Variants in AP1S2 observed in about 807,000 individuals in gnomAD.
AP1S2 encodes AP-1 complex subunit sigma-2.
AP1S2 carries 1 observed loss-of-function variant against 14.3 expected under a neutral mutation model. The ratio of observed to expected loss-of-function variants is 0.07; its 90% CI spans 0.02 to 0.33. The LOEUF (loss-of-function observed/expected upper bound fraction) is 0.33, where lower values mean the gene tolerates loss of function less well. AP1S2 is among the 10% of genes least tolerant of loss of function. The probability of loss-of-function intolerance (pLI) is 0.99; values close to 1 mark genes in which losing one functional copy is unlikely to be tolerated. For synonymous variants in AP1S2, 30 were observed against 40.5 expected, an observed-to-expected ratio of 0.74 and a Z score of 0.99; for missense variants, 30 against 117.7, an observed-to-expected ratio of 0.25 and a Z score of 3.45.
intron 4 of AP1S2, among the ~76,000 whole-genome samples, chrX:15,842,584 C>T (rs1346604333): frequency 8.9e-6 from 1 of 112,357 alleles, no homozygotes; most frequent in Non-Finnish European, 1.9e-5. Context: ...GAAACAGGAC[C>T]ACAGCTTTCT....
intron 2 of AP1S2, among the ~76,000 whole-genome samples, chrX:15,850,120 T>C (rs892207640): frequency 1.8e-5 from 2 of 111,554 alleles, no homozygotes; most frequent in African/African-American, 6.5e-5. Flanking sequence ...TTCATCTCCT[T>C]TGCCTGCCAC....
At chrX:15,832,938 T>C (rs1484459221) in intron 4 of AP1S2, 1 of 1,110,778 alleles carries the variant, frequency 9.0e-7, no homozygotes, top group African/African-American at 1.9e-5. Flanking sequence ...ATGTCAGTAC[T>C]CCAGCACGTA....
At chrX:15,843,200 A>C (rs1279569070) in intron 4 of AP1S2, among the ~76,000 whole-genome samples, 3 of 112,001 alleles carry the variant, frequency 2.7e-5, no homozygotes, top group Non-Finnish European at 5.6e-5. Context: ...TATATGCTCT[A>C]AGGTAAACTT....
At chrX:15,834,479 TAA>T (rs1569080344) in intron 4 of AP1S2, among the ~76,000 whole-genome samples, 556 of 23,556 alleles carry the variant, frequency 0.024, 6 homozygotes, top group East Asian at 0.091. Flanking sequence ...TATATATATA[TAA>T]TTTTTTTTTT....
intron 4 of AP1S2, among the ~76,000 whole-genome samples, chrX:15,834,481 A>ATATATT (rs1569080380): frequency 2.3e-4 from 3 of 13,013 alleles, no homozygotes; most frequent in Non-Finnish European, 3.6e-4. Flanking sequence ...TATATATATA[A>ATATATT]TTTTTTTTTT....
At position 15,854,781 on chromosome X, in the gene AP1S2, C is replaced by G; in HGVS notation, c.-94G>C. ...TGTCGCCGTGCTGAGGAAGAGAAGC[C>G]GTGGTGCTGTGGGGAGGACACCCGG... is the stretch of plus-strand genomic sequence containing the variant. On this transcript the variant is annotated 5_prime_UTR_variant, in exon 1 of 6. Coordinates refer to ENST00000672987, the MANE Select transcript of AP1S2 (RefSeq NM_001272071.2). 1 of 811,847 alleles carries G rather than the reference C, an allele frequency of 1.2e-6. No individual in the cohort carries two copies. The highest frequency in any genetic ancestry group is 1.5e-6 in the Non-Finnish European group (1 of 674,249). 66.9% of individuals were successfully genotyped at this position (811,847 alleles called of 1,213,427 possible).
intron 4 of AP1S2, among the ~76,000 whole-genome samples, chrX:15,834,086 A>G (rs751557122): frequency 2.7e-5 from 3 of 110,258 alleles, no homozygotes; most frequent in Non-Finnish European, 5.7e-5. Context: ...CTGGAGACCT[A>G]TTCTTTGAAT....
Position 15,844,125 on chromosome X carries a change from T to C in AP1S2, c.426+1254A>G, listed in dbSNP as rs189695640. 6.0e-4 allele frequency among the ~76,000 whole-genome samples: 68 copies of C among 112,652 alleles called. 1 individual carries two copies. Among genetic ancestry groups the C allele is most frequent in the African/African-American group, 2.0e-3 (62 of 31,063 alleles). ...ATTTAGTAGATGTCTATCCAGATGA[T>C]GTCATCTCAACTTCAAGCAATCCCC... On this transcript the variant is annotated intron_variant, in intron 4 of 5. Coordinates refer to ENST00000672987, the MANE Select transcript of AP1S2 (RefSeq NM_001272071.2).
intron 4 of AP1S2, among the ~76,000 whole-genome samples, chrX:15,838,442 G>A (rs908092742): frequency 1.1e-4 from 12 of 110,015 alleles, no homozygotes; most frequent in Non-Finnish European, 2.3e-4. Flanking sequence ...GAAAATGTCA[G>A]TAGGTGAAAA....
intron 4 of AP1S2, among the ~76,000 whole-genome samples, chrX:15,829,550 A>C (rs1933362700): frequency 8.9e-6 from 1 of 111,850 alleles, no homozygotes; most frequent in African/African-American, 3.2e-5. Flanking sequence ...TGCTTATCAA[A>C]TATGCATTAT....
At chrX:15,853,127 C>T (rs1256457682) in intron 1 of AP1S2, among the ~76,000 whole-genome samples, 2 of 112,341 alleles carry the variant, frequency 1.8e-5, no homozygotes, top group Admixed American at 9.4e-5. Flanking sequence ...TTTCATCTGA[C>T]TTTTAAAGCA....
chrX:15,848,817 GTCAGCTAAATA>G (rs1299156283), intron 2 of AP1S2, among the ~76,000 whole-genome samples: 7 of 112,260 alleles, frequency 6.2e-5, no homozygotes, highest in South Asian at 3.7e-4. Context: ...CTTCTCCGCA[GTCAGCTAAATA>G]TCAGCTAAAT....
intron 4 of AP1S2, chrX:15,832,376 C>T (rs1220851966): frequency 2.7e-6 from 2 of 727,405 alleles, no homozygotes; most frequent in Middle Eastern, 7.9e-4. Context: ...TGTTGAACTA[C>T]AAAATCATGT....
intron 4 of AP1S2, among the ~76,000 whole-genome samples, chrX:15,834,466 ATATATATATATATAAT>A (rs1933549290): frequency 5.5e-5 from 2 of 36,101 alleles, no homozygotes; most frequent in Non-Finnish European, 9.0e-5. Context: ...ATATATATAT[ATATATATATATATAAT>A]TTTTTTTTTT....
chrX:15,851,276 T>C (rs1934168483), intron 2 of AP1S2, among the ~76,000 whole-genome samples: 1 of 112,266 alleles, frequency 8.9e-6, no homozygotes, highest in African/African-American at 3.2e-5. Flanking sequence ...CATTCAATAA[T>C]AAAGAGGAGT....
chrX:15,842,764 T>C (rs761607323), intron 4 of AP1S2, among the ~76,000 whole-genome samples: 3 of 112,331 alleles, frequency 2.7e-5, no homozygotes, highest in African/African-American at 9.7e-5. Context: ...TGCGGTGGCT[T>C]ACGCCTGTAA....
At chrX:15,834,481 A>ATATATATATATAT (rs1569080380) in intron 4 of AP1S2, among the ~76,000 whole-genome samples, 8 of 13,005 alleles carry the variant, frequency 6.2e-4, no homozygotes, top group African/African-American at 8.3e-4. Context: ...TATATATATA[A>ATATATATATATAT]TTTTTTTTTT....
intron 4 of AP1S2, among the ~76,000 whole-genome samples, chrX:15,829,252 T>TC (rs757763596): frequency 8.9e-6 from 1 of 112,167 alleles, no homozygotes. Context: ...CCAATCCCTT[T>TC]CATTTATATT....
chrX:15,828,769 T>TAA (rs11399830), intron 4 of AP1S2, among the ~76,000 whole-genome samples: 9 of 101,290 alleles, frequency 8.9e-5, no homozygotes, highest in East Asian at 3.0e-4. Flanking sequence ...GACCTCGTTT[T>TAA]AAAAAAAAAA....
Sources: gnomAD v4.1 joint callset for allele counts (sites outside exome capture counted in the v4.1 genomes callset) on GRCh38, gnomAD v4.1.1 for gene constraint, MANE v1.5 for transcripts, NCBI Gene and HGNC (gene_info 2026-07-23, HGNC 2026-07-21) for gene names.